Variants in DOK7 observed in about 807,000 individuals in gnomAD.
DOK7 encodes the protein docking protein 7, also known as protein Dok-7.
A neutral mutation model predicts 30.7 loss-of-function variants in DOK7; 32 were observed. The ratio of observed to expected loss-of-function variants is 1.04; its 90% CI spans 0.79 to 1.40. The LOEUF (loss-of-function observed/expected upper bound fraction) is 1.40. Ranked by LOEUF, DOK7 falls within the 40% of genes most tolerant of loss-of-function variation. The probability of loss-of-function intolerance (pLI) is 0.00; values close to 1 mark genes in which losing one functional copy is unlikely to be tolerated. For synonymous variants in DOK7, 447 were observed against 324.1 expected (o/e 1.38, Z -4.07); for missense variants, 1,007 against 699.2 (o/e 1.44, Z -4.97).
intron 5 of DOK7, among the ~76,000 whole-genome samples, chr4:3,487,096 C>T (rs1727855320): frequency 6.6e-6 from 1 of 152,160 alleles, no homozygotes; most frequent in Non-Finnish European, 1.5e-5. Flanking sequence ...AGTCCCAGAC[C>T]CCACTCCACA....
Position 3,493,217 on chromosome 4 carries a change from C to T in DOK7, c.1231C>T (p.Leu411Phe), listed in dbSNP as rs1728644809. 1 of 1,611,990 alleles carries T rather than the reference C, an allele frequency of 6.2e-7. No homozygotes were observed. The highest frequency in any genetic ancestry group is 1.3e-5 in the African/African-American group (1 of 75,044). The change falls in exon 7 of 7, where the codon CTT (leucine) becomes TTT (phenylalanine). Residue 411 changes from leucine (L) to phenylalanine (F), a missense_variant. Coordinates refer to ENST00000340083, the MANE Select transcript of DOK7 (RefSeq NM_173660.5). ...GGCCCACTATGACACACCACGCAGC[C>T]TTTGCCTGGCTCCTAGAGACCACAG... is the stretch of plus-strand genomic sequence containing the variant. ...LRAHYDTPRSLCLAPRDHSPP... is the reference protein window; with the variant it reads ...LRAHYDTPRSFCLAPRDHSPP...
At chr4:3,474,983 T>G (rs1437677196) in intron 3 of DOK7, among the ~76,000 whole-genome samples, 1 of 152,224 alleles carries the variant, frequency 6.6e-6, no homozygotes, top group Non-Finnish European at 1.5e-5. Context: ...TTTTAAAATA[T>G]TGATTAAAAT....
Position 3,476,481 on chromosome 4 carries a change from C to G in DOK7, c.471C>G (p.Leu157=). The stretch of plus-strand genomic sequence containing the variant: ...CGGGGCAGTGGAAGCTGTCTGACCT[C>G]CGGCGCTACGGGGCCGTGCCAAGCG... The part of the protein sequence containing the change: ...AVTGQWKLSD[L]RRYGAVPSGF... Residue 157 remains leucine, a synonymous_variant, in exon 4 of 7, where the codon CTC becomes CTG. Transcript: ENST00000340083. The G allele has an allele frequency of 1.2e-6, 2 of 1,613,900 alleles. No individual in the cohort carries two copies. Among genetic ancestry groups the G allele is most frequent in the Non-Finnish European group, 1.7e-6 (2 of 1,180,036 alleles).
intron 2 of DOK7, among the ~76,000 whole-genome samples, chr4:3,468,887 CTGTG>C (rs1393680977): frequency 5.2e-5 from 7 of 134,192 alleles, no homozygotes; most frequent in Non-Finnish European, 1.1e-4. Flanking sequence ...ACGAGTGTGC[CTGTG>C]TATGTGTGCA....
chr4:3,463,446 G>A lies in DOK7; in HGVS notation c.54+17G>A, dbSNP rs1726077302. The A allele has an allele frequency of 1.4e-6, 2 of 1,384,508 alleles. No homozygotes were observed. The highest frequency in any genetic ancestry group is 3.4e-5 in the Admixed American group (1 of 29,642). 85.8% of individuals were successfully genotyped at this position (1,384,508 alleles called of 1,614,324 possible). A position where few individuals can be genotyped will look rare whatever the true frequency, so the allele number is the denominator to read the frequency against. On this transcript the variant is annotated intron_variant, in intron 1 of 6. Transcript: ENST00000340083. ...GGCAAGAAGGTCGGGGCGCGTCGGGGGCGCGGGGGGGGGGGGCGCGGGCGC... is the reference window on the plus strand; with the variant it reads ...GGCAAGAAGGTCGGGGCGCGTCGGGAGCGCGGGGGGGGGGGGCGCGGGCGC...
intron 4 of DOK7, among the ~76,000 whole-genome samples, chr4:3,484,149 T>C (rs570670791): frequency 2.4e-4 from 36 of 152,272 alleles, no homozygotes; most frequent in African/African-American, 7.9e-4. Context: ...TGGGCCTCAG[T>C]GTCCTTTTTG....
intron 3 of DOK7, among the ~76,000 whole-genome samples, chr4:3,475,231 C>A (rs1449165713): frequency 2.0e-5 from 3 of 152,264 alleles, no homozygotes; most frequent in African/African-American, 7.2e-5. Context: ...CAGCCTGGCT[C>A]AGCGGCATGG....
chr4:3,499,281 G>A (rs1193999058), downstream of DOK7, among the ~76,000 whole-genome samples: 1 of 152,208 alleles, frequency 6.6e-6, no homozygotes, highest in Non-Finnish European at 1.5e-5. Context: ...AGTGTGCTGG[G>A]GGTGGGGAGG....
rs2109389412 is a variant in DOK7 at position 3,489,802 on chromosome 4, G to C, written c.772+6G>C. 6.4e-7 allele frequency: 1 copy of C among 1,569,986 alleles called. No homozygotes were observed. The highest frequency in any genetic ancestry group is 8.6e-7 in the Non-Finnish European group (1 of 1,157,138). ...GGGCAGGCCGGGCAGTGGAGGTAGG[G>C]CCGGGGGCTGACCTGGGCTGTGGGA... On this transcript the variant is annotated splice_donor_region_variant and intron_variant, in intron 6 of 6. Coordinates refer to ENST00000340083, the MANE Select transcript of DOK7 (RefSeq NM_173660.5).
At position 3,494,179 on chromosome 4, in the gene DOK7, A is replaced by G; in HGVS notation, c.*678A>G. Reference sequence around the variant, plus strand: ...AGCCTCGCCTGCTGACCCCACTGGGAGAGGCGCCGTGCCTCGGGCCCCTGG... The same window carrying G: ...AGCCTCGCCTGCTGACCCCACTGGGGGAGGCGCCGTGCCTCGGGCCCCTGG... On this transcript the variant is annotated 3_prime_UTR_variant, in exon 7 of 7. Coordinates refer to ENST00000340083, the MANE Select transcript of DOK7 (RefSeq NM_173660.5). 1 of 985,526 alleles carries G rather than the reference A, an allele frequency of 1.0e-6. No individual in the cohort carries two copies. Among genetic ancestry groups the G allele is most frequent in the Non-Finnish European group, 1.2e-6 (1 of 829,994 alleles). 61.0% of individuals were successfully genotyped at this position (985,526 alleles called of 1,614,324 possible). A position where few individuals can be genotyped will look rare whatever the true frequency, so the allele number is the denominator to read the frequency against.
chr4:3,463,670 G>A lies in DOK7; in HGVS notation c.100+119G>A, dbSNP rs953621610. 29 of 1,337,782 alleles carry A rather than the reference G, an allele frequency of 2.2e-5. 1 individual carries two copies. The African/African-American group carries it at 3.0e-4, about 14-fold the overall frequency. The allele number at this position is 1,337,782 out of a possible 1,614,324, so 82.9% of individuals were successfully genotyped here. On this transcript the variant is annotated intron_variant, in intron 2 of 6. Coordinates refer to ENST00000340083, the MANE Select transcript of DOK7 (RefSeq NM_173660.5). The stretch of plus-strand genomic sequence containing the variant: ...CCGCTGTCACCCCGCCGGGAAACCC[G>A]AGAGCCCCGTGCGGACCCGGACCCC...
chr4:3,468,224 A>G (rs1183341234), intron 2 of DOK7, among the ~76,000 whole-genome samples: 2 of 146,528 alleles, frequency 1.4e-5, no homozygotes, highest in African/African-American at 5.1e-5. Context: ...GCATGTGAAT[A>G]CCTGTGTGGG....
chr4:3,477,538 C>T (rs1000572066), intron 4 of DOK7, among the ~76,000 whole-genome samples: 6 of 152,254 alleles, frequency 3.9e-5, no homozygotes, highest in African/African-American at 7.2e-5. Flanking sequence ...CTGCGCTGGG[C>T]GCTGGGAGCA....
chr4:3,491,856 C>G (rs534133179), intron 6 of DOK7, among the ~76,000 whole-genome samples: 58 of 152,314 alleles, frequency 3.8e-4, no homozygotes, highest in South Asian at 1.4e-3. Flanking sequence ...GGCCGCTGTG[C>G]TCCCCGAAGG....
intron 2 of DOK7, 101 bp downstream of exon 2, chr4:3,463,652 CACCCCGCCGGGAA>C: frequency 7.0e-7 from 1 of 1,430,834 alleles, no homozygotes; most frequent in South Asian, 1.2e-5. Context: ...CCGCCGCTGT[CACCCCGCCGGGAA>C]ACCCGAGAGC....
chr4:3,501,132 G>C, exon 8 of DOK7: 1 of 421,336 alleles, frequency 2.4e-6, no homozygotes, highest in Non-Finnish European at 4.2e-6. Flanking sequence ...ATCTCAGGCA[G>C]AGGCTGCTGC....
At chr4:3,497,615 C>A (rs958932777), downstream of DOK7, among the ~76,000 whole-genome samples, 1 of 152,044 alleles carries the variant, frequency 6.6e-6, no homozygotes, top group Non-Finnish European at 1.5e-5. Context: ...GCGGGCTAAA[C>A]CTTGGATTCC....
rs767797759 is a variant in DOK7, at chr4:3,485,617, CCCCCACCAAG to C, written c.612_621del (p.Pro205AlafsTer38). 2 of 1,607,070 alleles carry C rather than the reference CCCCCACCAAG, an allele frequency of 1.2e-6. No individual in the cohort carries two copies. Among genetic ancestry groups the C allele is most frequent in the Admixed American group, 1.7e-5 (1 of 59,552 alleles). ...TTCGACTGCATCGTCCGAGGCATCTCCCCCACCAAGGGCCCCTTTGGGCTGCGGCCGGTTC... is the reference window on the plus strand; with the variant it reads ...TTCGACTGCATCGTCCGAGGCATCTCGGCCCCTTTGGGCTGCGGCCGGTTC... On this transcript the variant is annotated frameshift_variant, in exon 5 of 7. Transcript: ENST00000340083. LOFTEE classifies it high-confidence loss of function.
At chr4:3,481,419 G>A (rs1351768796) in intron 4 of DOK7, among the ~76,000 whole-genome samples, 2 of 151,584 alleles carry the variant, frequency 1.3e-5, no homozygotes, top group Non-Finnish European at 2.9e-5. Flanking sequence ...GATGGACAAG[G>A]GGAGGAGGGC....
Sources: gnomAD v4.1 joint callset for allele counts (sites outside exome capture counted in the v4.1 genomes callset) on GRCh38, gnomAD v4.1.1 for gene constraint, MANE v1.5 for transcripts, NCBI Gene and HGNC (gene_info 2026-07-23, HGNC 2026-07-21) for gene names.